The following CYP17A1 variants were observed in gnomAD, a reference collection of about 807,000 sequenced individuals.
The protein encoded by CYP17A1 is cytochrome P450 family 17 subfamily A member 1.
CYP17A1 carries 27 observed loss-of-function variants against 38.5 expected under a neutral mutation model. That is an observed-to-expected ratio of 0.70 (90% confidence interval 0.52 to 0.97). CYP17A1 has a LOEUF of 0.97. Among genes scored for constraint, CYP17A1 ranks in the 50% least tolerant of loss-of-function variants. The pLI, the probability that CYP17A1 is intolerant of heterozygous loss-of-function variation, is 0.00. For missense variants in CYP17A1, 549 were observed against 645.9 expected (o/e 0.85, Z 1.63); for synonymous variants, 263 against 253.3 (o/e 1.04, Z -0.36).
At chr10:102,831,710 C>T in intron 6 of CYP17A1, 99 bp from the exon 7 acceptor site, 2 of 1,553,624 alleles carry the variant, frequency 1.3e-6, no homozygotes, top group East Asian at 2.3e-5. Flanking sequence ...AGGAAAATGC[C>T]CTTTACTCCC....
intron 5 of CYP17A1, 122 bp from the exon 6 acceptor site, chr10:102,832,802 C>A: frequency 7.4e-7 from 1 of 1,343,634 alleles, no homozygotes; most frequent in Non-Finnish European, 1.1e-6. Context: ...AGTAGTGGCT[C>A]TGGGGCCCAG....
chr10:102,833,271 A>G, intron 4 of CYP17A1, 63 bp from the exon 5 acceptor site: 1 of 1,612,542 alleles, frequency 6.2e-7, no homozygotes, highest in Non-Finnish European at 8.5e-7. Context: ...CACTCCTGCC[A>G]TACTTCTGTC....
At position 102,837,240 on chromosome 10, in the gene CYP17A1, G is replaced by A; in HGVS notation, c.122C>T (p.Pro41Leu). 6.2e-7 allele frequency: 1 copy of A among 1,607,276 alleles called. No individual in the cohort carries two copies. The highest frequency in any genetic ancestry group is 8.5e-7 in the Non-Finnish European group (1 of 1,173,752). Reference protein sequence around the residue: ...LLSLPLVGSLPFLPRHGHMHN... With the variant: ...LLSLPLVGSLLFLPRHGHMHN... ...CATATGGCCGTGTCTGGGGAGGAAT[G>A]GCAGGCTGCCCACCAGGGGCAGGGA... The change falls in exon 1 of 8, where the codon CCA becomes CTA. Residue 41 changes from proline (P) to leucine (L), a missense_variant. By Grantham distance (98) the Pro-to-Leu change is moderately conservative. Transcript: ENST00000369887.
rs745629666 is a variant in CYP17A1, at chr10:102,833,000, T to C, written c.962A>G (p.Asn321Ser). The change falls in exon 5 of 8, where the codon AAT (asparagine) becomes AGT (serine). Residue 321 changes from asparagine (N) to serine (S), a missense_variant. Physicochemically the swap from Asn to Ser is conservative, Grantham distance 46. Around this residue, in one of 3 missense-constraint regions of CYP17A1, gnomAD observed 257 missense variants for 307.9 expected, o/e 0.83. Coordinates refer to ENST00000369887, the MANE Select transcript of CYP17A1 (RefSeq NM_000102.4). ...AATGAGGGGGAAGCACACCTGAGGA[T>C]TGTGCAGCAGGAAGGCCAGGGTCCA... The part of the protein sequence containing the change: ...VKWTLAFLLH[N>S]PQVKKKLYEE... 7.4e-6 allele frequency: 12 copies of C among 1,613,866 alleles called. No homozygotes were observed. Among genetic ancestry groups the C allele is most frequent in the Admixed American group, 3.3e-5 (2 of 59,986 alleles).
chr10:102,835,500 C>T (rs552673286), intron 1 of CYP17A1, 108 bp from the exon 2 acceptor site: 2 of 929,986 alleles, frequency 2.2e-6, no homozygotes, highest in Admixed American at 1.7e-5. Context: ...AGGTACCTGG[C>T]ATGCTGACTC....
chr10:102,830,885 G>T lies in CYP17A1; in HGVS notation c.1344C>A (p.Ala448=). The T allele has an allele frequency of 1.9e-6, 3 of 1,578,570 alleles. No individual in the cohort carries two copies. Among genetic ancestry groups the T allele is most frequent in the Non-Finnish European group, 2.6e-6 (3 of 1,156,888 alleles). The part of the protein sequence containing the change: ...GPRSCIGEIL[A]RQELFLIMAW... ...CCATGATGAGGAAGAGCTCCTGGCG[G>T]GCCAGGATCTCACCTATACAGGAGC... The change falls in exon 8 of 8, where the codon GCC becomes GCA. Residue 448 remains alanine, a synonymous_variant. Coordinates refer to ENST00000369887, the MANE Select transcript of CYP17A1 (RefSeq NM_000102.4). The surrounding 1 kb of genome is among the most constrained non-coding windows in gnomAD (Gnocchi z 4.1).
At chr10:102,836,285 C>T (rs1415294433) in intron 1 of CYP17A1, among the ~76,000 whole-genome samples, 1 of 151,742 alleles carries the variant, frequency 6.6e-6, no homozygotes, top group Non-Finnish European at 1.5e-5. Context: ...GGTGAAACAC[C>T]ATCTCTACTA....
At chr10:102,832,850 G>T in intron 5 of CYP17A1, 143 bp downstream of exon 5, 1 of 1,507,844 alleles carries the variant, frequency 6.6e-7, no homozygotes, top group Non-Finnish European at 9.0e-7. Context: ...CTACTCTGGG[G>T]TCAAAGCCAA....
At chr10:102,835,607 G>A (rs1844152856) in intron 1 of CYP17A1, 2 of 601,748 alleles carry the variant, frequency 3.3e-6, no homozygotes, top group South Asian at 3.7e-5. Context: ...CAGAAATACA[G>A]TAGATCAAGG....
intron 7 of CYP17A1, 29 bp from the exon 8 acceptor site, chr10:102,831,014 G>A (rs1281734568): frequency 6.7e-7 from 1 of 1,484,000 alleles, no homozygotes; most frequent in Non-Finnish European, 9.2e-7. Flanking sequence ...ATCAGCCAGG[G>A]GTTAGGGCAG....
rs976678093 is a variant in CYP17A1, at chr10:102,831,662, C to A, written c.1140-51G>T. 4 of 1,606,074 alleles carry A rather than the reference C, an allele frequency of 2.5e-6. No individual in the cohort carries two copies. In the African/African-American group the frequency reaches 5.3e-5, roughly 21 times the overall value. On this transcript the variant is annotated intron_variant, in intron 6 of 7. Transcript: ENST00000369887. ...TGGGTCTGGGACTTCGTACTCCCTT[C>A]CTTGCTCAGCCTCATGCCCCCTCAT...
Position 102,833,084 on chromosome 10 carries a change from A to T in CYP17A1, c.878T>A (p.Leu293His). The T allele has an allele frequency of 6.2e-7, 1 of 1,614,156 alleles. No individual in the cohort carries two copies. The highest frequency in any genetic ancestry group is 1.3e-5 in the African/African-American group (1 of 75,024). ...CCCAAAGATGTCCCCTATGGTGGTGAGAATGTGGTTATCTGAAAGCAGCTC... is the reference window on the plus strand; with the variant it reads ...CCCAAAGATGTCCCCTATGGTGGTGTGAATGTGGTTATCTGAAAGCAGCTC... ...DSELLSDNHI[L>H]TTIGDIFGAG... The change falls in exon 5 of 8, where the codon CTC (leucine) becomes CAC (histidine). Residue 293 changes from leucine (L) to histidine (H), a missense_variant. Physicochemically the swap from Leu to His is moderately conservative, Grantham distance 99. This residue lies in a region of CYP17A1 where 257 missense variants were observed against 307.9 expected (regional missense o/e 0.83). Coordinates refer to ENST00000369887, the MANE Select transcript of CYP17A1 (RefSeq NM_000102.4).
At chr10:102,836,170 A>C (rs1844159049) in intron 1 of CYP17A1, among the ~76,000 whole-genome samples, 1 of 152,188 alleles carries the variant, frequency 6.6e-6, no homozygotes, top group African/African-American at 2.4e-5. Flanking sequence ...ATCAAAGCTG[A>C]GAGGCTGGCA....
intron 4 of CYP17A1, chr10:102,833,521 ATC>A: frequency 5.5e-6 from 2 of 361,124 alleles, no homozygotes; most frequent in Non-Finnish European, 1.0e-5. Flanking sequence ...CAATGGCATG[ATC>A]TCAGCTCACT....
At position 102,835,235 on chromosome 10, in the gene CYP17A1, G is replaced by C. The variant is rs756371704; in HGVS notation, c.436+19C>G. Reference sequence around the variant, plus strand: ...CTGTGGGATCCAGCCCCAGCCCCAGGGGCCAGCCTGGCACTCACTGATCTT... The same window carrying C: ...CTGTGGGATCCAGCCCCAGCCCCAGCGGCCAGCCTGGCACTCACTGATCTT... On this transcript the variant is annotated intron_variant, in intron 2 of 7. Transcript: ENST00000369887. 6.2e-7 allele frequency: 1 copy of C among 1,609,184 alleles called. No homozygotes were observed. The highest frequency in any genetic ancestry group is 8.5e-7 in the Non-Finnish European group (1 of 1,175,874).
Position 102,832,544 on chromosome 10 carries a change from A to G in CYP17A1, c.1106T>C (p.Met369Thr), listed in dbSNP as rs1404399622. ...AACGTTGGCCTTGTGGGGGATGAGC[A>G]TAGGGGCCACGGGCCTGAGGCGAAG... ...EVLRLRPVAP[M>T]LIPHKANVDS... The change falls in exon 6 of 8, where the codon ATG (methionine) becomes ACG (threonine). Residue 369 changes from methionine (M) to threonine (T), a missense_variant. This residue lies in a region of CYP17A1 where 257 missense variants were observed against 307.9 expected (regional missense o/e 0.83). Coordinates refer to ENST00000369887, the MANE Select transcript of CYP17A1 (RefSeq NM_000102.4). 1 of 1,611,856 alleles carries G rather than the reference A, an allele frequency of 6.2e-7. No homozygotes were observed. Among genetic ancestry groups the G allele is most frequent in the Non-Finnish European group, 8.5e-7 (1 of 1,178,196 alleles).
chr10:102,835,306 CGCCA>C lies in CYP17A1; in HGVS notation c.380_383del (p.Leu127ArgfsTer38). The stretch of plus-strand genomic sequence containing the variant: ...CCTTGAACAGGGCAAAGGTGGCCAT[CGCCA>C]GCCTTCGATGCAGCTGCCAGTGTGC... On this transcript the variant is annotated frameshift_variant, in exon 2 of 8. Coordinates refer to ENST00000369887, the MANE Select transcript of CYP17A1 (RefSeq NM_000102.4). LOFTEE classifies it high-confidence loss of function. The C allele has an allele frequency of 6.2e-7, 1 of 1,612,542 alleles. No individual in the cohort carries two copies. Among genetic ancestry groups the C allele is most frequent in the South Asian group, 1.1e-5 (1 of 91,042 alleles).
chr10:102,832,657 C>G lies in CYP17A1; in HGVS notation c.993G>C (p.Glu331Asp). The G allele has an allele frequency of 6.2e-7, 1 of 1,607,942 alleles. No homozygotes were observed. Among genetic ancestry groups the G allele is most frequent in the Non-Finnish European group, 8.5e-7 (1 of 1,174,310 alleles). The change falls in exon 6 of 8, where the codon GAG (glutamate) becomes GAC (aspartate). Residue 331 changes from glutamate (E) to aspartate (D), a missense_variant. By Grantham distance (45) the Glu-to-Asp change is conservative. Coordinates refer to ENST00000369887, the MANE Select transcript of CYP17A1 (RefSeq NM_000102.4). ...GGCTGAAACCCACATTCTGGTCAAT[C>G]TCCTCGTAGAGCTTCTTCTTCACCT... is the stretch of plus-strand genomic sequence containing the variant. Reference protein sequence around the residue: ...NPQVKKKLYEEIDQNVGFSRT... With the variant: ...NPQVKKKLYEDIDQNVGFSRT...
Position 102,832,858 on chromosome 10 carries a change from C to T in CYP17A1, c.969+135G>A, listed in dbSNP as rs1483491553. ...GGCAGCTCTACTCTGGGGTCAAAGC[C>T]AACTACTGCTTGGGTAAGGAGCAGG... is the stretch of plus-strand genomic sequence containing the variant. On this transcript the variant is annotated intron_variant, in intron 5 of 7. Coordinates refer to ENST00000369887, the MANE Select transcript of CYP17A1 (RefSeq NM_000102.4). 2.0e-6 allele frequency: 3 copies of T among 1,518,038 alleles called. No individual in the cohort carries two copies. In the African/African-American group the frequency reaches 4.1e-5, roughly 21 times the overall value. 94.0% of individuals were successfully genotyped at this position (1,518,038 alleles called of 1,614,324 possible). A position where few individuals can be genotyped will look rare whatever the true frequency, so the allele number is the denominator to read the frequency against.
Sources: allele counts gnomAD v4.1 joint callset (sites outside exome capture counted in the v4.1 genomes callset), GRCh38; gene constraint gnomAD v4.1.1; regional missense constraint gnomAD v4.1.1; non-coding constraint Gnocchi (gnomAD v3.1); transcripts MANE v1.5; gene names NCBI Gene and HGNC (gene_info 2026-07-23, HGNC 2026-07-21).